The following C12orf56 variants were observed in gnomAD, a reference collection of about 807,000 sequenced individuals.
The protein encoded by C12orf56 is uncharacterized protein C12orf56.
C12orf56 carries 71 observed loss-of-function variants against 69.9 expected under a neutral mutation model. That is an observed-to-expected ratio of 1.02 (90% CI 0.84 to 1.24). C12orf56 has a LOEUF of 1.24. Among genes scored for constraint, C12orf56 ranks in the 50% most tolerant of loss-of-function variants. The probability of loss-of-function intolerance (pLI) is 0.00; values close to 1 mark genes in which losing one functional copy is unlikely to be tolerated. For synonymous variants in C12orf56, 276 were observed against 274.1 expected, an observed-to-expected ratio of 1.01 and a Z score of -0.07; for missense variants, 732 against 738.5, an observed-to-expected ratio of 0.99 and a Z score of 0.10.
At chr12:64,385,771 C>A (rs777140700) in intron 1 of C12orf56, among the ~76,000 whole-genome samples, 4 of 152,140 alleles carry the variant, frequency 2.6e-5, no homozygotes, top group Non-Finnish European at 5.9e-5. Context: ...GCTCGGGGAG[C>A]CTGATCTGAG....
chr12:64,383,881 C>A (rs1285027452), intron 1 of C12orf56, among the ~76,000 whole-genome samples: 1 of 152,128 alleles, frequency 6.6e-6, no homozygotes, highest in Non-Finnish European at 1.5e-5. Flanking sequence ...TGTGTGGAGA[C>A]AAAAATGAAT....
chr12:64,264,880 C>T lies in C12orf56; in HGVS notation c.*2303G>A, dbSNP rs2037904365. On this transcript the variant is annotated 3_prime_UTR_variant, in exon 13 of 13. Transcript: ENST00000543942. Reference sequence around the variant, plus strand: ...AGGGTGACAAATATTCAACCATTAACTCTCCAAAAAACCACTGACTTTAGC... The same window carrying T: ...AGGGTGACAAATATTCAACCATTAATTCTCCAAAAAACCACTGACTTTAGC... 2 of 152,202 alleles carry T rather than the reference C, an allele frequency of 1.3e-5. No individual in the cohort carries two copies. Among genetic ancestry groups the T allele is most frequent in the South Asian group, 4.1e-4 (2 of 4,826 alleles). The allele number at this position is 152,202 out of a possible 1,614,324, so 9.4% of individuals were successfully genotyped here.
chr12:64,363,370 G>A (rs920614205), intron 1 of C12orf56, among the ~76,000 whole-genome samples: 16 of 152,300 alleles, frequency 1.1e-4, no homozygotes, highest in African/African-American at 3.6e-4. Flanking sequence ...AAGTGTGCAG[G>A]AAAGGGTTAA....
chr12:64,267,508 A>G (rs927441295), intron 12 of C12orf56: 1 of 545,714 alleles, frequency 1.8e-6, no homozygotes. Flanking sequence ...TTTGTGACCT[A>G]GAAAATCTCT....
At chr12:64,271,313 A>C (rs1348787647) in intron 11 of C12orf56, among the ~76,000 whole-genome samples, 2 of 151,656 alleles carry the variant, frequency 1.3e-5, no homozygotes, top group African/African-American at 4.9e-5. Flanking sequence ...AAAAATACAA[A>C]AATTTGCCAG....
intron 2 of C12orf56, among the ~76,000 whole-genome samples, chr12:64,331,966 G>T (rs1196271667): frequency 1.3e-5 from 2 of 151,250 alleles, no homozygotes; most frequent in African/African-American, 4.9e-5. Flanking sequence ...AAAAAAGAAG[G>T]AAAAAAAGAC....
At chr12:64,274,842 C>T in intron 11 of C12orf56, 59 bp downstream of exon 11, 1 of 1,328,656 alleles carries the variant, frequency 7.5e-7, no homozygotes, top group Non-Finnish European at 1.1e-6. Flanking sequence ...TAATTAAGCA[C>T]AAGAGTATCT....
At chr12:64,367,317 TAGCTTATATAATATAC>T (rs2039509679) in intron 1 of C12orf56, among the ~76,000 whole-genome samples, 2 of 72,080 alleles carry the variant, frequency 2.8e-5, no homozygotes, top group African/African-American at 4.7e-5. Flanking sequence ...ATATAATATA[TAGCTTATATAATATAC>T]AGTTTATATA....
At chr12:64,277,905 G>A in intron 8 of C12orf56, 102 bp from the exon 9 acceptor site, 2 of 977,448 alleles carry the variant, frequency 2.0e-6, no homozygotes, top group East Asian at 3.0e-5. Flanking sequence ...TTAAAAGAAT[G>A]AAGCATTGCA....
intron 1 of C12orf56, among the ~76,000 whole-genome samples, chr12:64,380,147 A>AC (rs2039701103): frequency 6.8e-6 from 1 of 147,924 alleles, no homozygotes; most frequent in African/African-American, 2.5e-5. Context: ...AAACAAACAA[A>AC]AAAAAACGCA....
chr12:64,380,400 T>A (rs1475025485), intron 1 of C12orf56, among the ~76,000 whole-genome samples: 3 of 152,112 alleles, frequency 2.0e-5, no homozygotes, highest in African/African-American at 7.2e-5. Flanking sequence ...ATTAATTAAC[T>A]CATTCATTCT....
intron 5 of C12orf56, among the ~76,000 whole-genome samples, chr12:64,305,627 C>T (rs2038501019): frequency 6.6e-6 from 1 of 152,178 alleles, no homozygotes; most frequent in Non-Finnish European, 1.5e-5. Flanking sequence ...AGGTAATCCA[C>T]CCACCTCTGC....
intron 4 of C12orf56, among the ~76,000 whole-genome samples, chr12:64,315,308 T>G (rs1044114179): frequency 8.4e-5 from 1 of 11,908 alleles, no homozygotes; most frequent in South Asian, 4.2e-3. Flanking sequence ...TGTTCTACGT[T>G]TTTTTTTTTT....
At chr12:64,310,829 G>A (rs1178157035) in intron 5 of C12orf56, among the ~76,000 whole-genome samples, 4 of 151,480 alleles carry the variant, frequency 2.6e-5, no homozygotes, top group African/African-American at 9.7e-5. Flanking sequence ...TTAACTCGTC[G>A]TTTACATTAG....
intron 2 of C12orf56, among the ~76,000 whole-genome samples, chr12:64,344,861 T>A (rs2039119942): frequency 6.6e-6 from 1 of 152,128 alleles, no homozygotes; most frequent in Non-Finnish European, 1.5e-5. Context: ...GATGAGGCAT[T>A]TCCGGCTCAC....
chr12:64,324,840 A>G (rs2038817620), intron 3 of C12orf56, among the ~76,000 whole-genome samples: 1 of 152,164 alleles, frequency 6.6e-6, no homozygotes, highest in Admixed American at 6.6e-5. Context: ...GAGTTTTGGC[A>G]GTGGAGATAG....
chr12:64,320,172 G>T (rs901332182), intron 3 of C12orf56, among the ~76,000 whole-genome samples: 1 of 152,210 alleles, frequency 6.6e-6, no homozygotes, highest in Non-Finnish European at 1.5e-5. Flanking sequence ...GTTCTCTTCC[G>T]TGACCCACGG....
chr12:64,313,870 C>T (rs2038655622), intron 4 of C12orf56, among the ~76,000 whole-genome samples: 2 of 151,168 alleles, frequency 1.3e-5, no homozygotes, highest in Non-Finnish European at 2.9e-5. Flanking sequence ...TGGTGAAACC[C>T]CATCTCTACT....
At chr12:64,318,099 C>T (rs755883831) in intron 4 of C12orf56, among the ~76,000 whole-genome samples, 24 of 151,986 alleles carry the variant, frequency 1.6e-4, no homozygotes, top group Non-Finnish European at 2.9e-4. Context: ...CTTCCTCTGT[C>T]GCCCTGGAGT....
Sources: allele counts gnomAD v4.1 joint callset (sites outside exome capture counted in the v4.1 genomes callset), GRCh38; gene constraint gnomAD v4.1.1; transcripts MANE v1.5; gene names NCBI Gene and HGNC (gene_info 2026-07-23, HGNC 2026-07-21).